ZFHX4: variants seen among roughly 807,000 people sequenced by gnomAD.
ZFHX4 encodes zinc finger homeobox protein 4.
In ZFHX4, 56 loss-of-function variants were observed where a neutral mutation model predicts 267.6. That is an observed-to-expected ratio of 0.21 (90% CI 0.17 to 0.26). ZFHX4 has a LOEUF of 0.26. ZFHX4 is among the 10% of genes least tolerant of loss of function. The pLI, the probability that ZFHX4 is intolerant of heterozygous loss-of-function variation, is 1.00. For missense variants in ZFHX4, 4,332 were observed against 4,420.0 expected, an observed-to-expected ratio of 0.98 and a Z score of 0.56; for synonymous variants, 1,778 against 1,665.6, an observed-to-expected ratio of 1.07 and a Z score of -1.64.
Position 76,705,815 on chromosome 8 carries a change from A to T in ZFHX4, c.1727A>T (p.Glu576Val). 1 of 1,613,934 alleles carries T rather than the reference A, an allele frequency of 6.2e-7. No individual in the cohort carries two copies. Residue 576 changes from glutamate (E) to valine (V), a missense_variant, in exon 2 of 11, where the codon GAA (glutamate) becomes GTA (valine). By Grantham distance (121) the Glu-to-Val change is moderately radical. Around this residue, in one of 7 missense-constraint regions of ZFHX4, gnomAD observed 1,195 missense variants for 1,173.6 expected, o/e 1.02. Transcript: ENST00000651372. Reference sequence around the variant, plus strand: ...AGTGCCACAGCTGCTCATCCAAGTGAAATAGCCCGGGGAGACGAAGACAGT... The same window carrying T: ...AGTGCCACAGCTGCTCATCCAAGTGTAATAGCCCGGGGAGACGAAGACAGT... ...KDSATAAHPS[E>V]IARGDEDSSA... is the part of the protein sequence containing the mutation.
rs75237347 is a variant in ZFHX4, at chr8:76,798,426, A to T, written c.3325+19987A>T. 7.3e-3 allele frequency among the ~76,000 whole-genome samples: 1,119 copies of T among 152,260 alleles called. 19 individuals carry two copies. The highest frequency in any genetic ancestry group is 0.024 in the African/African-American group (984 of 41,550). ...GCTCCTGTTTGAAATAAAAACAGAA[A>T]CTGATCATTACAATCTGCAAGCCAG... On this transcript the variant is annotated intron_variant, in intron 4 of 10. Coordinates refer to ENST00000651372, the MANE Select transcript of ZFHX4 (RefSeq NM_024721.5).
rs377400475 is a variant in ZFHX4, at chr8:76,863,425, T to C, written c.9711T>C (p.His3237=). 1 of 1,613,850 alleles carries C rather than the reference T, an allele frequency of 6.2e-7. No individual in the cohort carries two copies. Among genetic ancestry groups the C allele is most frequent in the Non-Finnish European group, 8.5e-7 (1 of 1,179,870 alleles). ...SVLGKVVGET[H]VDPIQLQALQ... ...TGGGCAAAGTTGTAGGTGAAACACA[T>C]GTCGATCCTATTCAGTTGCAGGCAT... Residue 3237 remains histidine (H), a synonymous_variant, in exon 11 of 11, where the codon CAT becomes CAC. Coordinates refer to ENST00000651372, the MANE Select transcript of ZFHX4 (RefSeq NM_024721.5).
rs867093271 is a variant in ZFHX4, at chr8:76,853,062, A to C, written c.6141A>C (p.Pro2047=). 2,499 of 432,920 alleles carry C rather than the reference A, an allele frequency of 5.8e-3. No individual in the cohort carries two copies. Among genetic ancestry groups the C allele is most frequent in the South Asian group, 7.0e-3 (318 of 45,516 alleles). The allele number at this position is 432,920 out of a possible 1,614,324, so 26.8% of individuals were successfully genotyped here. The change falls in exon 10 of 11, where the codon CCA becomes CCC. Residue 2047 remains proline (P), a synonymous_variant. Transcript: ENST00000651372. ...CACCCACTCCTCCCCCACCACCACC[A>C]CCTCCTCCTCCTCCTCCTCCTCCCC... ...APPPTPPPPP[P]PPPPPPPPPP...
chr8:76,701,672 A>G (rs1011430662), intron 1 of ZFHX4, among the ~76,000 whole-genome samples: 2 of 152,176 alleles, frequency 1.3e-5, no homozygotes, highest in African/African-American at 2.4e-5. Flanking sequence ...TAGTGACTGT[A>G]TTTGTGGGAT....
At chr8:76,763,615 C>A (rs1249937085) in intron 3 of ZFHX4, among the ~76,000 whole-genome samples, 1 of 151,728 alleles carries the variant, frequency 6.6e-6, no homozygotes, top group Non-Finnish European at 1.5e-5. Flanking sequence ...AGAGTGAGAC[C>A]CTGTCTCCAA....
chr8:76,850,456 C>T (rs772314913), intron 9 of ZFHX4, 94 bp downstream of exon 9: 12 of 1,059,528 alleles, frequency 1.1e-5, no homozygotes, highest in South Asian at 3.2e-5. Context: ...AAAAGATTTT[C>T]GTAAAGCATA....
chr8:76,749,255 A>C (rs1809551494), intron 3 of ZFHX4, among the ~76,000 whole-genome samples: 1 of 152,192 alleles, frequency 6.6e-6, no homozygotes, highest in South Asian at 2.1e-4. Context: ...AATTTTTCAC[A>C]AAGTACTAGT....
In ZFHX4 at chr8:76,842,652, CAGA is replaced by C. The variant is rs767743316; in HGVS notation, c.3397_3399del (p.Glu1133del). 1.9e-5 allele frequency: 30 copies of C among 1,547,448 alleles called. No homozygotes were observed. In the South Asian group the frequency reaches 2.7e-4, roughly 14 times the overall value. The stretch of plus-strand genomic sequence containing the variant: ...CTACTGATTGGTCTGCCTTTCTTAA[CAGA>C]AGAACAAAGTGAGGAGGCAGAAGGA... On this transcript the variant is annotated splice_acceptor_variant and coding_sequence_variant, in exon 6 of 11. Coordinates refer to ENST00000651372, the MANE Select transcript of ZFHX4 (RefSeq NM_024721.5). LOFTEE classifies it high-confidence loss of function.
At chr8:76,846,201 G>A (rs951522834) in intron 6 of ZFHX4, among the ~76,000 whole-genome samples, 5 of 151,992 alleles carry the variant, frequency 3.3e-5, no homozygotes, top group Non-Finnish European at 7.4e-5. Flanking sequence ...TACACGCATA[G>A]AATGTAACAT....
Position 76,855,440 on chromosome 8 carries a change from A to G in ZFHX4, c.8519A>G (p.Lys2840Arg). The change falls in exon 10 of 11, where the codon AAA (lysine) becomes AGA (arginine). Residue 2840 changes from lysine to arginine, a missense_variant. Physicochemically the swap from Lys to Arg is conservative, Grantham distance 26. Around this residue, in one of 7 missense-constraint regions of ZFHX4, gnomAD observed 1,648 missense variants for 1,625.0 expected, o/e 1.01. Coordinates refer to ENST00000651372, the MANE Select transcript of ZFHX4 (RefSeq NM_024721.5). ...SGDVKPALSPKEPKTLDTLPK... is the reference protein window; with the variant it reads ...SGDVKPALSPREPKTLDTLPK... ...GATGTGAAACCGGCTTTGTCTCCCA[A>G]AGAGCCAAAAACTCTGGATACTCTG... The G allele has an allele frequency of 1.2e-6, 2 of 1,613,606 alleles. No homozygotes were observed. The highest frequency in any genetic ancestry group is 2.2e-5 in the East Asian group (1 of 44,834).
rs2131956803 is a variant in ZFHX4, at chr8:76,854,458, C to T, written c.7537C>T (p.His2513Tyr). ...TCTGGAACTCTGGCAGGAACACCAG[C>T]ACATGCACTTCCTTGCTGCTCAAAA... is the stretch of plus-strand genomic sequence containing the variant. ...PTLELWQEHQ[H>Y]MHFLAAQNQF... The change falls in exon 10 of 11, where the codon CAC becomes TAC. Residue 2513 changes from histidine (H) to tyrosine (Y), a missense_variant. Transcript: ENST00000651372. 12 of 1,613,860 alleles carry T rather than the reference C, an allele frequency of 7.4e-6. 1 individual carries two copies. Among genetic ancestry groups the T allele is most frequent in the Non-Finnish European group, 1.0e-5 (12 of 1,179,892 alleles).
rs1808189625 is a variant in ZFHX4, at chr8:76,704,450, A to G, written c.362A>G (p.Asp121Gly). The G allele has an allele frequency of 6.2e-7, 1 of 1,613,990 alleles. No homozygotes were observed. Among genetic ancestry groups the G allele is most frequent in the African/African-American group, 1.3e-5 (1 of 75,012 alleles). ...GAGAGCGAGATCAGCGAGTTAGAGG[A>G]CAGTGACGTGGAAAATCTAACAGGG... is the stretch of plus-strand genomic sequence containing the variant. ...DNESEISELEDSDVENLTGEI... is the reference protein window; with the variant it reads ...DNESEISELEGSDVENLTGEI... The change falls in exon 2 of 11, where the codon GAC becomes GGC. Residue 121 changes from aspartate to glycine, a missense_variant. By Grantham distance (94) the Asp-to-Gly change is moderately conservative. Coordinates refer to ENST00000651372, the MANE Select transcript of ZFHX4 (RefSeq NM_024721.5).
At chr8:76,799,459 C>T (rs1811063625) in intron 4 of ZFHX4, among the ~76,000 whole-genome samples, 1 of 152,178 alleles carries the variant, frequency 6.6e-6, no homozygotes, top group Non-Finnish European at 1.5e-5. Context: ...GACGAATAAA[C>T]ACAACTGGAA....
intron 4 of ZFHX4, among the ~76,000 whole-genome samples, chr8:76,789,863 A>G (rs542700600): frequency 2.0e-4 from 30 of 152,288 alleles, no homozygotes; most frequent in African/African-American, 7.2e-4. Flanking sequence ...AATTTTTCAG[A>G]TATGAATGCA....
At chr8:76,842,465 A>G (rs1812259573) in intron 5 of ZFHX4, among the ~76,000 whole-genome samples, 190 bp from the exon 6 acceptor site, 1 of 152,238 alleles carries the variant, frequency 6.6e-6, no homozygotes, top group Admixed American at 6.5e-5. Context: ...GATCCTTTAG[A>G]TACAAAATTT....
intron 4 of ZFHX4, among the ~76,000 whole-genome samples, chr8:76,796,062 A>T (rs1810973037): frequency 6.6e-6 from 1 of 152,178 alleles, no homozygotes; most frequent in Non-Finnish European, 1.5e-5. Context: ...ATATTAATTT[A>T]TAGAAAGTAT....
Position 76,761,796 on chromosome 8 carries a change from C to G in ZFHX4, c.3094-16412C>G, listed in dbSNP as rs143942716. Among the ~76,000 whole-genome samples, 1,169 of 152,268 alleles carry G rather than the reference C, an allele frequency of 7.7e-3. 22 individuals carry two copies. The highest frequency in any genetic ancestry group is 0.026 in the African/African-American group (1,068 of 41,558). Reference sequence around the variant, plus strand: ...TGAGGTTTAGAAGCAAATGTCTCCACTTTGACTGCTTTCTGGCCTGATGTT... The same window carrying G: ...TGAGGTTTAGAAGCAAATGTCTCCAGTTTGACTGCTTTCTGGCCTGATGTT... On this transcript the variant is annotated intron_variant, in intron 3 of 10. Transcript: ENST00000651372.
intron 4 of ZFHX4, among the ~76,000 whole-genome samples, chr8:76,832,559 A>G (rs1032087): frequency 0.35 from 53,326 of 152,022 alleles, 10,177 homozygotes; most frequent in African/African-American, 0.5. Context: ...CGGTCAGGAA[A>G]GAGAAGAAGA....
intron 4 of ZFHX4, among the ~76,000 whole-genome samples, chr8:76,784,788 T>C (rs1246410854): frequency 2.6e-5 from 4 of 152,122 alleles, no homozygotes; most frequent in African/African-American, 4.8e-5. Context: ...GAATTTTTAT[T>C]ATGTTTAAAT....
Sources: allele counts gnomAD v4.1 joint callset (sites outside exome capture counted in the v4.1 genomes callset), GRCh38; gene constraint gnomAD v4.1.1; regional missense constraint gnomAD v4.1.1; transcripts MANE v1.5; gene names NCBI Gene and HGNC (gene_info 2026-07-23, HGNC 2026-07-21).